The following SHANK2 variants were observed in gnomAD, a reference collection of about 807,000 sequenced individuals.
The protein encoded by SHANK2 is SH3 and multiple ankyrin repeat domains 2.
A neutral mutation model predicts 133.7 loss-of-function variants in SHANK2; 43 were observed. That is an observed-to-expected ratio of 0.32 (90% CI 0.25 to 0.41). The LOEUF (loss-of-function observed/expected upper bound fraction) is 0.41, where lower values mean the gene tolerates loss of function less well. SHANK2 is among the 10% of genes least tolerant of loss of function. The pLI, the probability that SHANK2 is intolerant of heterozygous loss-of-function variation, is 1.00. For missense variants in SHANK2, 1,994 were observed against 2,235.8 expected, an observed-to-expected ratio of 0.89 and a Z score of 2.18; for synonymous variants, 1,017 against 952.8, an observed-to-expected ratio of 1.07 and a Z score of -1.24.
intron 3 of SHANK2, among the ~76,000 whole-genome samples, chr11:71,132,070 T>C (rs1285948981): frequency 2.0e-5 from 3 of 152,158 alleles, no homozygotes; most frequent in Non-Finnish European, 4.4e-5. Flanking sequence ...GAAAGTGGAT[T>C]AGCGACGAGG....
intron 13 of SHANK2, among the ~76,000 whole-genome samples, chr11:70,806,421 T>G (rs1371190498): frequency 1.3e-5 from 2 of 152,240 alleles, no homozygotes; most frequent in Non-Finnish European, 2.9e-5. Flanking sequence ...TTCACACACC[T>G]GACTTCCCCC....
At chr11:70,766,870 C>G (rs1947134098) in intron 14 of SHANK2, among the ~76,000 whole-genome samples, 1 of 152,218 alleles carries the variant, frequency 6.6e-6, no homozygotes, top group Non-Finnish European at 1.5e-5. Flanking sequence ...AAATGACAAG[C>G]AATTTTTAAA....
intron 15 of SHANK2, chr11:70,668,924 T>C (rs1591728592): frequency 6.6e-6 from 1 of 152,306 alleles, no homozygotes; most frequent in African/African-American, 2.4e-5. Context: ...AGCTTGGCGG[T>C]GACGCACAAG....
At chr11:70,887,778 C>T (rs1337850645) in intron 11 of SHANK2, among the ~76,000 whole-genome samples, 6 of 152,172 alleles carry the variant, frequency 3.9e-5, no homozygotes, top group Admixed American at 1.3e-4. Flanking sequence ...GAAGCACCAA[C>T]ATCCACCCCA....
In SHANK2 at chr11:70,473,405, G is replaced by C. The variant is rs142444295; in HGVS notation, c.5014C>G (p.Arg1672Gly). 3.2e-5 allele frequency: 51 copies of C among 1,607,180 alleles called. No individual in the cohort carries two copies. Among genetic ancestry groups the C allele is most frequent in the Non-Finnish European group, 4.2e-5 (50 of 1,179,976 alleles). Residue 1672 changes from arginine (R) to glycine (G), a missense_variant, in exon 26 of 26, where the codon CGG (arginine) becomes GGG (glycine). This residue lies in a region of SHANK2 where 797 missense variants were observed against 907.4 expected (regional missense o/e 0.88). Coordinates refer to ENST00000601538, the MANE Select transcript of SHANK2 (RefSeq NM_012309.5). The surrounding 1 kb of genome is among the most constrained non-coding windows in gnomAD (Gnocchi z 5.9). ...ACAGTGAAGGTGACCGTCGTGCTCC[G>C]TGTACCTGAGATGGTGCTCATGATC... ...PEIMSTISGT[R>G]STTVTFTVRP...
intron 17 of SHANK2, among the ~76,000 whole-genome samples, chr11:70,567,356 T>C (rs2059980598): frequency 6.6e-6 from 1 of 151,932 alleles, no homozygotes; most frequent in Non-Finnish European, 1.5e-5. Context: ...AGGCCGGGCG[T>C]GGTGGCTCAT....
chr11:71,108,079 C>A (rs931257587), intron 6 of SHANK2, among the ~76,000 whole-genome samples: 1 of 152,176 alleles, frequency 6.6e-6, no homozygotes, highest in African/African-American at 2.4e-5. Context: ...AGGGAGAATC[C>A]GGGTCAGCAG....
intron 14 of SHANK2, among the ~76,000 whole-genome samples, chr11:70,729,153 C>T (rs1028624187): frequency 3.3e-5 from 5 of 150,278 alleles, no homozygotes; most frequent in African/African-American, 1.2e-4. Flanking sequence ...GCCGAGATCG[C>T]ACCACTGCAC....
At chr11:71,168,795 G>A (rs1384885277) in intron 2 of SHANK2, among the ~76,000 whole-genome samples, 3 of 141,490 alleles carry the variant, frequency 2.1e-5, no homozygotes, top group African/African-American at 7.8e-5. Context: ...GTGGAGAGAG[G>A]GAGAGGGAGA....
intron 15 of SHANK2, among the ~76,000 whole-genome samples, chr11:70,669,852 G>A (rs1483210901): frequency 7.2e-5 from 11 of 152,248 alleles, no homozygotes; most frequent in African/African-American, 1.7e-4. Flanking sequence ...GTGTGCTGAT[G>A]GCGGCTGGGG....
intron 14 of SHANK2, among the ~76,000 whole-genome samples, chr11:70,743,738 C>T (rs534151192): frequency 2.0e-5 from 3 of 152,178 alleles, no homozygotes; most frequent in African/African-American, 4.8e-5. Flanking sequence ...CTCCTCCAGG[C>T]GGGATCCTCA....
At chr11:70,894,264 T>C (rs538064597) in intron 11 of SHANK2, among the ~76,000 whole-genome samples, 1 of 152,168 alleles carries the variant, frequency 6.6e-6, no homozygotes, top group African/African-American at 2.4e-5. Context: ...CTCGGCTCAC[T>C]GCAACCTCTG....
chr11:70,556,832 T>C (rs2059838545), intron 17 of SHANK2, among the ~76,000 whole-genome samples: 1 of 152,140 alleles, frequency 6.6e-6, no homozygotes, highest in Non-Finnish European at 1.5e-5. Flanking sequence ...CCTCAAGTGA[T>C]CCGCCCGCCT....
intron 10 of SHANK2, among the ~76,000 whole-genome samples, chr11:70,929,909 T>C (rs1301709978): frequency 6.6e-6 from 1 of 152,072 alleles, no homozygotes; most frequent in Non-Finnish European, 1.5e-5. Flanking sequence ...GAAATGACAG[T>C]GGTGAGTAGG....
intron 14 of SHANK2, among the ~76,000 whole-genome samples, chr11:70,711,385 A>T (rs1945780340): frequency 6.6e-6 from 1 of 152,274 alleles, no homozygotes; most frequent in African/African-American, 2.4e-5. Context: ...GACGCCGCTC[A>T]GGCTGTGCCC....
At chr11:70,681,140 C>T (rs372518136) in intron 15 of SHANK2, among the ~76,000 whole-genome samples, 3 of 152,204 alleles carry the variant, frequency 2.0e-5, no homozygotes, top group East Asian at 1.9e-4. Context: ...CTGCCGGCAC[C>T]TGCTGGGAGG....
At chr11:70,507,948 C>A (rs2059155600) in intron 17 of SHANK2, among the ~76,000 whole-genome samples, 1 of 152,232 alleles carries the variant, frequency 6.6e-6, no homozygotes. Flanking sequence ...TGTTTAGAGG[C>A]TCTGCAAATG....
At chr11:71,157,021 C>T (rs1267550170) in intron 2 of SHANK2, among the ~76,000 whole-genome samples, 6 of 152,154 alleles carry the variant, frequency 3.9e-5, no homozygotes, top group South Asian at 2.1e-4. Flanking sequence ...ATGTAAATGA[C>T]GAGTTAATGG....
intron 21 of SHANK2, 53 bp from the exon 22 acceptor site, chr11:70,492,518 T>G: frequency 6.2e-7 from 1 of 1,611,008 alleles, no homozygotes; most frequent in Admixed American, 1.7e-5. Flanking sequence ...GGAAGCTGGG[T>G]GTAGATAGGA....
Sources: allele counts gnomAD v4.1 joint callset (sites outside exome capture counted in the v4.1 genomes callset), GRCh38; gene constraint gnomAD v4.1.1; regional missense constraint gnomAD v4.1.1; non-coding constraint Gnocchi (gnomAD v3.1); transcripts MANE v1.5; gene names NCBI Gene and HGNC (gene_info 2026-07-23, HGNC 2026-07-21).